The following DCC variants were observed in gnomAD, a reference collection of about 807,000 sequenced individuals.
DCC encodes DCC netrin 1 receptor, also known as netrin receptor DCC.
In DCC, 58 loss-of-function variants were observed where a neutral mutation model predicts 172.5. The ratio of observed to expected loss-of-function variants is 0.34; its 90% CI spans 0.27 to 0.42. The LOEUF is 0.42. Among genes scored for constraint, DCC ranks in the 10% least tolerant of loss-of-function variants. The pLI is 1.00. For synonymous variants in DCC, 709 were observed against 644.5 expected (o/e 1.10, Z -1.52); for missense variants, 1,740 against 1,791.0 (o/e 0.97, Z 0.51).
intron 2 of DCC, among the ~76,000 whole-genome samples, chr18:52,861,355 A>G (rs1243255178): frequency 1.3e-5 from 2 of 152,242 alleles, no homozygotes; most frequent in Non-Finnish European, 2.9e-5. Flanking sequence ...GTATCTGAAA[A>G]TAAGCCATTA....
At chr18:52,799,508 G>A (rs2037941737) in intron 2 of DCC, among the ~76,000 whole-genome samples, 1 of 152,162 alleles carries the variant, frequency 6.6e-6, no homozygotes, top group Admixed American at 6.5e-5. Context: ...AATCAAAATT[G>A]AAAACCAGGT....
At chr18:52,683,101 T>C (rs1183086653) in intron 1 of DCC, among the ~76,000 whole-genome samples, 1 of 152,076 alleles carries the variant, frequency 6.6e-6, no homozygotes, top group Non-Finnish European at 1.5e-5. Context: ...CTTATTTCCA[T>C]GTGGTTCTAA....
chr18:52,620,969 T>G (rs1407351669), intron 1 of DCC, among the ~76,000 whole-genome samples: 1 of 152,178 alleles, frequency 6.6e-6, no homozygotes, highest in Non-Finnish European at 1.5e-5. Flanking sequence ...TGCTTCTGTC[T>G]CCCAACTCTT....
At chr18:52,587,328 C>T (rs921722730) in intron 1 of DCC, among the ~76,000 whole-genome samples, 1 of 152,162 alleles carries the variant, frequency 6.6e-6, no homozygotes, top group African/African-American at 2.4e-5. Context: ...TGTTCATAGA[C>T]CCATTGGGCG....
intron 3 of DCC, among the ~76,000 whole-genome samples, chr18:52,912,897 G>T (rs17481048): frequency 0.021 from 3,175 of 152,028 alleles, 57 homozygotes; most frequent in Admixed American, 0.039. Context: ...CTTAAAAGCT[G>T]CAAGGCCATG....
chr18:52,870,901 G>T (rs769636522), intron 2 of DCC, among the ~76,000 whole-genome samples: 1 of 152,024 alleles, frequency 6.6e-6, no homozygotes, highest in East Asian at 1.9e-4. Flanking sequence ...ACTTAGGCTC[G>T]CTCTTTACTG....
At chr18:53,495,714 C>CCAA (rs2046014226) in intron 26 of DCC, among the ~76,000 whole-genome samples, 1 of 152,144 alleles carries the variant, frequency 6.6e-6, no homozygotes, top group Non-Finnish European at 1.5e-5. Context: ...AGAGTGTCTT[C>CCAA]CAACTTGGTT....
intron 1 of DCC, among the ~76,000 whole-genome samples, chr18:52,395,458 T>G (rs1289270629): frequency 1.3e-5 from 2 of 151,958 alleles, no homozygotes; most frequent in Non-Finnish European, 2.9e-5. Flanking sequence ...CTCAAAAGGA[T>G]GAAGAGACTT....
intron 5 of DCC, among the ~76,000 whole-genome samples, chr18:52,935,246 T>C (rs911971840): frequency 2.6e-5 from 4 of 152,106 alleles, no homozygotes; most frequent in African/African-American, 9.7e-5. Context: ...GTGTAGTTCT[T>C]AGATCCTTAT....
chr18:52,538,191 T>A (rs186511495), intron 1 of DCC, among the ~76,000 whole-genome samples: 2 of 152,284 alleles, frequency 1.3e-5, no homozygotes, highest in East Asian at 3.9e-4. Flanking sequence ...CCTGCTTACC[T>A]CCAACTACCA....
chr18:52,592,654 A>C (rs1462743353), intron 1 of DCC, among the ~76,000 whole-genome samples: 1 of 152,180 alleles, frequency 6.6e-6, no homozygotes, highest in Non-Finnish European at 1.5e-5. Flanking sequence ...AATAGGAAAG[A>C]GGGCTTTCTT....
chr18:52,938,067 A>G (rs2040406683), intron 5 of DCC, among the ~76,000 whole-genome samples: 1 of 152,148 alleles, frequency 6.6e-6, no homozygotes, highest in South Asian at 2.1e-4. Flanking sequence ...GTTTTTTAAT[A>G]CATTGTTATG....
At chr18:53,334,519 C>T (rs928632647) in intron 14 of DCC, among the ~76,000 whole-genome samples, 1 of 152,264 alleles carries the variant, frequency 6.6e-6, no homozygotes, top group East Asian at 1.9e-4. Flanking sequence ...CACCACCACC[C>T]ATCTCCAGAA....
intron 5 of DCC, among the ~76,000 whole-genome samples, chr18:52,950,043 G>T (rs2040611554): frequency 6.6e-6 from 1 of 152,200 alleles, no homozygotes; most frequent in South Asian, 2.1e-4. Flanking sequence ...TGGCACTGGA[G>T]ACATGGTTGG....
At chr18:52,993,008 T>A (rs2041419574) in intron 5 of DCC, among the ~76,000 whole-genome samples, 1 of 150,766 alleles carries the variant, frequency 6.6e-6, no homozygotes, top group Admixed American at 6.6e-5. Context: ...AAAACACATG[T>A]GAAATGAGTT....
At chr18:52,901,900 A>C (rs866208313) in intron 2 of DCC, among the ~76,000 whole-genome samples, 1 of 152,236 alleles carries the variant, frequency 6.6e-6, no homozygotes, top group East Asian at 1.9e-4. Flanking sequence ...GCTTTTATTT[A>C]TACACTTAAC....
chr18:52,696,253 C>G (rs1400232481), intron 1 of DCC, among the ~76,000 whole-genome samples: 1 of 152,106 alleles, frequency 6.6e-6, no homozygotes, highest in Non-Finnish European at 1.5e-5. Context: ...CCTTTCTGTT[C>G]CCTGTTATCT....
chr18:52,498,983 A>C (rs1277718139), intron 1 of DCC, among the ~76,000 whole-genome samples: 1 of 152,202 alleles, frequency 6.6e-6, no homozygotes, highest in Non-Finnish European at 1.5e-5. Flanking sequence ...AGTCCATAGC[A>C]GTGCCCACAT....
intron 1 of DCC, among the ~76,000 whole-genome samples, chr18:52,592,544 C>T (rs754195560): frequency 1.3e-5 from 2 of 152,112 alleles, no homozygotes; most frequent in African/African-American, 2.4e-5. Flanking sequence ...TTGACTTTGT[C>T]GGTGACTTGA....
Sources: allele counts gnomAD v4.1 joint callset (sites outside exome capture counted in the v4.1 genomes callset), GRCh38; gene constraint gnomAD v4.1.1; transcripts MANE v1.5; gene names NCBI Gene and HGNC (gene_info 2026-07-23, HGNC 2026-07-21).